C10orf71: variants seen among roughly 807,000 people sequenced by gnomAD.
C10orf71 encodes cardiac-enriched FHL2-interacting protein.
For synonymous variants in C10orf71, 758 were observed against 726.3 expected (o/e 1.04, Z -0.70); for missense variants, 1,869 against 1,804.5 (o/e 1.04, Z -0.65).
rs146030644 is a variant in C10orf71 at position 49,306,424 on chromosome 10, C to G, written c.-248+7191C>G. On this transcript the variant is annotated intron_variant, in intron 1 of 2. Transcript: ENST00000374144. ...AGCACTTTAGAGCTGGGTCTCCGCT[C>G]TTCGCACTGCTGGTACTGCCTATTT... 8.9e-4 allele frequency among the ~76,000 whole-genome samples: 136 copies of G among 152,372 alleles called. No individual in the cohort carries two copies. In the East Asian group the frequency reaches 0.024, roughly 26 times the overall value.
At chr10:49,314,377 A>G (rs1324650143) in intron 1 of C10orf71, among the ~76,000 whole-genome samples, 1 of 152,200 alleles carries the variant, frequency 6.6e-6, no homozygotes, top group East Asian at 1.9e-4. Flanking sequence ...TGTGCACTGT[A>G]TCCTCCTTCA....
At chr10:49,315,253 T>A (rs1462869284) in intron 1 of C10orf71, among the ~76,000 whole-genome samples, 1 of 152,216 alleles carries the variant, frequency 6.6e-6, no homozygotes, top group East Asian at 1.9e-4. Flanking sequence ...TAGATTAATA[T>A]CCAGGAGCTA....
Position 49,324,326 on chromosome 10 carries a change from C to T in C10orf71, c.1781C>T (p.Ala594Val), listed in dbSNP as rs1849170754. 1.2e-6 allele frequency: 2 copies of T among 1,613,916 alleles called. No individual in the cohort carries two copies. The highest frequency in any genetic ancestry group is 2.2e-5 in the South Asian group (2 of 91,064). ...GACAGCTATCTAACTCTTAGCACAG[C>T]TCCGACTATCGCCAAAGCCCCCTTC... ...SADSYLTLST[A>V]PTIAKAPFYV... Residue 594 changes from alanine to valine, a missense_variant, in exon 3 of 3, where the codon GCT becomes GTT. By Grantham distance (64) the Ala-to-Val change is moderately conservative. Transcript: ENST00000374144.
intron 1 of C10orf71, among the ~76,000 whole-genome samples, chr10:49,305,047 G>T (rs1848789248): frequency 6.6e-6 from 1 of 152,228 alleles, no homozygotes; most frequent in Non-Finnish European, 1.5e-5. Flanking sequence ...AGAGTTATGT[G>T]CCCCAGTAAG....
chr10:49,307,255 G>A lies in C10orf71; in HGVS notation c.-248+8022G>A, dbSNP rs114844456. On this transcript the variant is annotated intron_variant, in intron 1 of 2. Transcript: ENST00000374144. ...AAGCCAAGGGCACCTCTGAGCTCAC[G>A]AGGAGAAGCCAAGGGCTCTTTGCTT... is the stretch of plus-strand genomic sequence containing the variant. Among the ~76,000 whole-genome samples the A allele has an allele frequency of 5.3e-3, 802 of 152,342 alleles. 9 individuals are homozygous for A. Among genetic ancestry groups the A allele is most frequent in the African/African-American group, 0.018 (758 of 41,584 alleles).
At chr10:49,316,471 A>G (rs1849001256) in intron 2 of C10orf71, among the ~76,000 whole-genome samples, 1 of 152,124 alleles carries the variant, frequency 6.6e-6, no homozygotes, top group Non-Finnish European at 1.5e-5. Flanking sequence ...TAATGTGGTT[A>G]TTTTCTGAAT....
In C10orf71 at chr10:49,324,325, G is replaced by T. The variant is rs201857646; in HGVS notation, c.1780G>T (p.Ala594Ser). ...SADSYLTLST[A>S]PTIAKAPFYV... is the part of the protein sequence containing the mutation. ...AGACAGCTATCTAACTCTTAGCACA[G>T]CTCCGACTATCGCCAAAGCCCCCTT... Residue 594 changes from alanine to serine, a missense_variant, in exon 3 of 3, where the codon GCT (alanine) becomes TCT (serine). Coordinates refer to ENST00000374144, the MANE Select transcript of C10orf71 (RefSeq NM_001135196.2). The T allele has an allele frequency of 1.2e-6, 2 of 1,613,898 alleles. No homozygotes were observed. The highest frequency in any genetic ancestry group is 1.7e-6 in the Non-Finnish European group (2 of 1,179,862).
At chr10:49,306,771 C>G (rs1307900885) in intron 1 of C10orf71, among the ~76,000 whole-genome samples, 1 of 152,240 alleles carries the variant, frequency 6.6e-6, no homozygotes, top group African/African-American at 2.4e-5. Flanking sequence ...TTGTACTCAG[C>G]AACCATGGCT....
rs896197542 is a variant in C10orf71, at chr10:49,323,641, C to T, written c.1096C>T (p.Pro366Ser). Residue 366 changes from proline (P) to serine (S), a missense_variant, in exon 3 of 3, where the codon CCC becomes TCC. Coordinates refer to ENST00000374144, the MANE Select transcript of C10orf71 (RefSeq NM_001135196.2). ...GGTATTTGCTGTGGAAGGAAAAGCTCCCAGCTCACAACCTGATTCTCAAGA... is the reference window on the plus strand; with the variant it reads ...GGTATTTGCTGTGGAAGGAAAAGCTTCCAGCTCACAACCTGATTCTCAAGA... ...AQVFAVEGKA[P>S]SSQPDSQEKP... 8.1e-6 allele frequency: 13 copies of T among 1,606,982 alleles called. No homozygotes were observed. Among genetic ancestry groups the T allele is most frequent in the Non-Finnish European group, 1.1e-5 (13 of 1,177,862 alleles).
upstream of C10orf71, among the ~76,000 whole-genome samples, chr10:49,297,058 C>A (rs1848652152): frequency 6.6e-6 from 1 of 152,238 alleles, no homozygotes; most frequent in South Asian, 2.1e-4. Flanking sequence ...CCACTTCAAG[C>A]AAACACCATT....
chr10:49,326,750 A>G lies in C10orf71; in HGVS notation c.4205A>G (p.His1402Arg), dbSNP rs550851971. ...CCGCACTCTGCAGGCCAGCGCCCTC[A>G]TGGTCCTCCCCAGAGCCCAGGAGAG... ...CTPHSAGQRP[H>R]GPPQSPGEEG... The change falls in exon 3 of 3, where the codon CAT (histidine) becomes CGT (arginine). Residue 1402 changes from histidine (H) to arginine (R), a missense_variant. Transcript: ENST00000374144. 1,175 of 1,550,770 alleles carry G rather than the reference A, an allele frequency of 7.6e-4. No homozygotes were observed. The highest frequency in any genetic ancestry group is 9.8e-4 in the Non-Finnish European group (1,121 of 1,146,876).
chr10:49,302,169 C>T (rs1848739783), intron 1 of C10orf71, among the ~76,000 whole-genome samples: 3 of 152,216 alleles, frequency 2.0e-5, no homozygotes, highest in Admixed American at 6.5e-5. Context: ...GAGGCTCTCT[C>T]CCTACTCCCC....
Position 49,327,130 on chromosome 10 carries a change from C to A in C10orf71, c.*277C>A. On this transcript the variant is annotated 3_prime_UTR_variant, in exon 3 of 3. Transcript: ENST00000374144. ...GTTCCCAGGCGCACTCTACTCCAGC[C>A]CTTCTCCCTCCCTCCCTTCCTCCCT... 9.1e-7 allele frequency: 1 copy of A among 1,103,908 alleles called. No individual in the cohort carries two copies. The allele number at this position is 1,103,908 out of a possible 1,614,324, so 68.4% of individuals were successfully genotyped here.
chr10:49,322,039 G>T (rs1365974287), intron 2 of C10orf71, among the ~76,000 whole-genome samples: 4 of 152,018 alleles, frequency 2.6e-5, no homozygotes, highest in Admixed American at 1.3e-4. Flanking sequence ...TCATTTTTGT[G>T]ATTGTTTCCC....
Position 49,327,077 on chromosome 10 carries a change from C to T in C10orf71, c.*224C>T. 1.3e-6 allele frequency: 2 copies of T among 1,487,916 alleles called. No individual in the cohort carries two copies. The highest frequency in any genetic ancestry group is 1.8e-6 in the Non-Finnish European group (2 of 1,106,458). The allele number at this position is 1,487,916 out of a possible 1,614,324, so 92.2% of individuals were successfully genotyped here. ...GCTCTCCTCTGATGGAGGGGCACTG[C>T]TTGCTTGGCCCGGTCCCCTCCGTGC... On this transcript the variant is annotated 3_prime_UTR_variant, in exon 3 of 3. Coordinates refer to ENST00000374144, the MANE Select transcript of C10orf71 (RefSeq NM_001135196.2).
intron 1 of C10orf71, among the ~76,000 whole-genome samples, chr10:49,312,906 T>C (rs1848940263): frequency 6.6e-6 from 1 of 152,244 alleles, no homozygotes; most frequent in Admixed American, 6.5e-5. Context: ...AGGATTATAA[T>C]TGACTGTCAA....
In C10orf71 at chr10:49,324,995, CAG is replaced by C; in HGVS notation, c.2453_2454del (p.Glu818GlyfsTer3). 1 of 1,551,284 alleles carries C rather than the reference CAG, an allele frequency of 6.4e-7. No individual in the cohort carries two copies. Among genetic ancestry groups the C allele is most frequent in the East Asian group, 2.4e-5 (1 of 40,898 alleles). ...GGAGGAAGAACCAGGAAGGCATCAG[CAG>C]AGGAAGCTAATTTCAGAGGCTCTTG... On this transcript the variant is annotated frameshift_variant, in exon 3 of 3. Transcript: ENST00000374144. LOFTEE classifies it low-confidence loss of function (END_TRUNC).
rs1405177946 is a variant in C10orf71 at position 49,326,586 on chromosome 10, GC to G, written c.4043del (p.Pro1348ArgfsTer66). ...AGCCAGTGCCCGTGACGGCCTTGAT[GC>G]CGCTGCGCTGCTCCTCTCAGCTCTC... ...FQPVPVTALM[P>X]LRCSSQLSAP... On this transcript the variant is annotated frameshift_variant, in exon 3 of 3. Transcript: ENST00000374144. LOFTEE classifies it low-confidence loss of function (END_TRUNC). 5 of 1,550,432 alleles carry G rather than the reference GC, an allele frequency of 3.2e-6. No homozygotes were observed. Among genetic ancestry groups the G allele is most frequent in the African/African-American group, 1.4e-5 (1 of 73,046 alleles).
Position 49,325,549 on chromosome 10 carries a change from C to A in C10orf71, c.3004C>A (p.Pro1002Thr). The change falls in exon 3 of 3, where the codon CCC becomes ACC. Residue 1002 changes from proline to threonine, a missense_variant. Transcript: ENST00000374144. ...GAAGCTGGCAGCCCCATGGCACATC[C>A]CCACCATTGCTTTACCCGAGGGTGA... The part of the protein sequence containing the change: ...SGKLAAPWHI[P>T]TIALPEGDIE... The A allele has an allele frequency of 6.4e-7, 1 of 1,550,582 alleles. No individual in the cohort carries two copies. The highest frequency in any genetic ancestry group is 8.7e-7 in the Non-Finnish European group (1 of 1,146,084).
Sources: gnomAD v4.1 joint callset for allele counts (sites outside exome capture counted in the v4.1 genomes callset) on GRCh38, gnomAD v4.1.1 for gene constraint, MANE v1.5 for transcripts, NCBI Gene and HGNC (gene_info 2026-07-23, HGNC 2026-07-21) for gene names.